PEAK1: variants seen among roughly 807,000 people sequenced by gnomAD.
PEAK1 encodes the protein inactive tyrosine-protein kinase PEAK1.
Under a neutral mutation model 124.7 loss-of-function variants are expected in PEAK1, and 54 were observed. That is an observed-to-expected ratio of 0.43 (90% confidence interval 0.35 to 0.54). The LOEUF (loss-of-function observed/expected upper bound fraction) is 0.54. Ranked by LOEUF, PEAK1 falls within the 20% of genes least tolerant of loss-of-function variation. The probability of loss-of-function intolerance (pLI) is 0.01; values close to 1 mark genes in which losing one functional copy is unlikely to be tolerated. For synonymous variants in PEAK1, 719 were observed against 760.0 expected (o/e 0.95, Z 0.89); for missense variants, 2,046 against 2,134.5 (o/e 0.96, Z 0.82).
chr15:77,382,359 T>G (rs1410121917), intron 1 of PEAK1, among the ~76,000 whole-genome samples: 2 of 152,260 alleles, frequency 1.3e-5, no homozygotes, highest in Admixed American at 1.3e-4. Context: ...ACTGAATGTC[T>G]ATAGATCCCC....
chr15:77,341,795 T>C (rs530012905), intron 2 of PEAK1, among the ~76,000 whole-genome samples: 1 of 152,170 alleles, frequency 6.6e-6, no homozygotes, highest in East Asian at 1.9e-4. Context: ...TGTAAAAAAG[T>C]CTAAGACAAA....
intron 5 of PEAK1, among the ~76,000 whole-genome samples, chr15:77,258,502 G>C (rs964710922): frequency 1.3e-5 from 2 of 152,140 alleles, no homozygotes; most frequent in African/African-American, 4.8e-5. Context: ...GTGAATGGGA[G>C]TTCACTCATG....
intron 6 of PEAK1, among the ~76,000 whole-genome samples, chr15:77,207,191 G>C (rs2058700888): frequency 6.6e-6 from 1 of 152,146 alleles, no homozygotes; most frequent in South Asian, 2.1e-4. Flanking sequence ...TTACCATTCA[G>C]GACATAGGCA....
chr15:77,415,204 A>G (rs779299902), intron 1 of PEAK1, among the ~76,000 whole-genome samples: 3 of 152,190 alleles, frequency 2.0e-5, no homozygotes, highest in Admixed American at 6.5e-5. Context: ...CAGGTCCTCA[A>G]TGCTAACTAA....
chr15:77,320,302 T>A (rs939092794), intron 2 of PEAK1, among the ~76,000 whole-genome samples: 24 of 152,180 alleles, frequency 1.6e-4, no homozygotes, highest in African/African-American at 5.5e-4. Flanking sequence ...ATTATTTGCA[T>A]ATATAGCTGT....
intron 6 of PEAK1, among the ~76,000 whole-genome samples, chr15:77,206,615 T>C (rs1408122477): frequency 6.6e-6 from 1 of 151,748 alleles, no homozygotes; most frequent in Non-Finnish European, 1.5e-5. Context: ...TTTGGCTGCA[T>C]AAATGTCTTC....
intron 6 of PEAK1, among the ~76,000 whole-genome samples, chr15:77,240,759 C>T (rs1454963178): frequency 6.6e-6 from 1 of 151,974 alleles, no homozygotes; most frequent in African/African-American, 2.4e-5. Context: ...CTTAAGAGGG[C>T]CCAACTCTGG....
intron 8 of PEAK1, among the ~76,000 whole-genome samples, chr15:77,138,482 T>TATA (rs1490562065): frequency 6.6e-6 from 1 of 152,266 alleles, no homozygotes; most frequent in East Asian, 1.9e-4. Flanking sequence ...TTTAACTTTA[T>TATA]AAGCTTAAAT....
At chr15:77,224,596 T>TAG (rs1355330039) in intron 6 of PEAK1, among the ~76,000 whole-genome samples, 5 of 152,152 alleles carry the variant, frequency 3.3e-5, no homozygotes, top group African/African-American at 1.2e-4. Context: ...GCAACTCCTA[T>TAG]AGAGACACTT....
intron 2 of PEAK1, among the ~76,000 whole-genome samples, chr15:77,317,860 T>C (rs375440564): frequency 2.6e-5 from 4 of 152,182 alleles, no homozygotes; most frequent in African/African-American, 7.2e-5. Context: ...AGCATAACTA[T>C]TGATATACGT....
chr15:77,108,369 G>A lies in PEAK1; in HGVS notation c.*5787C>T, dbSNP rs1183536757. Reference sequence around the variant, plus strand: ...ATTTTCAAATACAGAGTGTGGGCAGGGCCAGAGAGAATTAAAGAGAGATTG... The same window carrying A: ...ATTTTCAAATACAGAGTGTGGGCAGAGCCAGAGAGAATTAAAGAGAGATTG... On this transcript the variant is annotated 3_prime_UTR_variant, in exon 10 of 10. Coordinates refer to ENST00000682557, the MANE Select transcript of PEAK1 (RefSeq NM_001385026.1). The A allele has an allele frequency of 6.6e-6, 1 of 152,144 alleles. No individual in the cohort carries two copies. Among genetic ancestry groups the A allele is most frequent in the Non-Finnish European group, 1.5e-5 (1 of 68,016 alleles). The allele number at this position is 152,144 out of a possible 1,614,324, so 9.4% of individuals were successfully genotyped here.
rs2063077969 is a variant in PEAK1 at position 77,289,047 on chromosome 15, T to C, written c.-602-2543A>G. On this transcript the variant is annotated intron_variant, in intron 2 of 9. Coordinates refer to ENST00000682557, the MANE Select transcript of PEAK1 (RefSeq NM_001385026.1). The stretch of plus-strand genomic sequence containing the variant: ...AGGAACAGTAAACAGCAAATATAAA[T>C]TAACAAATACAGCTATCCCTATAAA... Among the ~76,000 whole-genome samples, 5 of 151,934 alleles carry C rather than the reference T, an allele frequency of 3.3e-5. No individual in the cohort carries two copies. In the South Asian group the frequency reaches 1.0e-3, roughly 32 times the overall value.
intron 5 of PEAK1, among the ~76,000 whole-genome samples, chr15:77,277,815 G>A (rs1267948976): frequency 1.3e-5 from 2 of 152,162 alleles, no homozygotes; most frequent in African/African-American, 4.8e-5. Flanking sequence ...AAACCATGGA[G>A]AGAGTAAAAG....
intron 2 of PEAK1, among the ~76,000 whole-genome samples, chr15:77,357,724 C>T (rs1030659609): frequency 6.6e-6 from 1 of 152,154 alleles, no homozygotes; most frequent in Non-Finnish European, 1.5e-5. Flanking sequence ...GACAGAGGAT[C>T]TAAGGTGAAA....
chr15:77,382,158 G>T (rs868809518), intron 1 of PEAK1, among the ~76,000 whole-genome samples: 1 of 152,084 alleles, frequency 6.6e-6, no homozygotes, highest in South Asian at 2.1e-4. Flanking sequence ...ACTTTAGTGG[G>T]GCAAGAGTGG....
chr15:77,365,289 T>C (rs772415595), intron 1 of PEAK1, 64 bp from the exon 2 acceptor site: 2 of 685,656 alleles, frequency 2.9e-6, no homozygotes, highest in African/African-American at 3.9e-5. Context: ...GTATGGAAAT[T>C]TAATTATTTC....
At chr15:77,268,241 G>A (rs1026075014) in intron 5 of PEAK1, among the ~76,000 whole-genome samples, 5 of 152,126 alleles carry the variant, frequency 3.3e-5, no homozygotes, top group Admixed American at 6.5e-5. Flanking sequence ...TTGGGAGGCC[G>A]AGGTGGGCAG....
chr15:77,194,224 G>C (rs951591020), intron 6 of PEAK1, among the ~76,000 whole-genome samples: 5 of 151,966 alleles, frequency 3.3e-5, no homozygotes, highest in African/African-American at 1.2e-4. Flanking sequence ...CTCTCCCTTT[G>C]ACCCATCTAG....
intron 6 of PEAK1, among the ~76,000 whole-genome samples, chr15:77,222,474 C>T (rs970369603): frequency 2.4e-4 from 36 of 152,060 alleles, no homozygotes; most frequent in African/African-American, 8.4e-4. Context: ...ATTTTACAGA[C>T]TAAGGAATTT....
Sources: gnomAD v4.1 joint callset for allele counts (sites outside exome capture counted in the v4.1 genomes callset) on GRCh38, gnomAD v4.1.1 for gene constraint, MANE v1.5 for transcripts, NCBI Gene and HGNC (gene_info 2026-07-23, HGNC 2026-07-21) for gene names.